ANKRD33B: variants seen among roughly 807,000 people sequenced by gnomAD.
ANKRD33B encodes the protein ankyrin repeat domain 33B, also known as ankyrin repeat domain-containing protein 33B.
ANKRD33B carries 6 observed loss-of-function variants against 21.5 expected under a neutral mutation model. The observed-to-expected ratio is 0.28, with a 90% confidence interval of 0.15 to 0.55. ANKRD33B has a LOEUF of 0.55. Among genes scored for constraint, ANKRD33B ranks in the 20% least tolerant of loss-of-function variants. The pLI is 0.94. For synonymous variants in ANKRD33B, 347 were observed against 342.4 expected (o/e 1.01, Z -0.15); for missense variants, 698 against 747.2 (o/e 0.93, Z 0.77).
chr5:10,598,794 C>G (rs945146665), intron 1 of ANKRD33B, among the ~76,000 whole-genome samples: 1 of 151,922 alleles, frequency 6.6e-6, no homozygotes, highest in Non-Finnish European at 1.5e-5. Context: ...GGCTCATGTC[C>G]GTAATCCCAA....
chr5:10,568,449 T>C (rs929260689), intron 1 of ANKRD33B, among the ~76,000 whole-genome samples: 6 of 152,264 alleles, frequency 3.9e-5, no homozygotes, highest in African/African-American at 1.4e-4. Flanking sequence ...AGTTTAAATG[T>C]CAGACAGCTC....
intron 1 of ANKRD33B, among the ~76,000 whole-genome samples, chr5:10,616,162 CAT>C (rs949924993): frequency 3.9e-5 from 6 of 152,176 alleles, no homozygotes; most frequent in Non-Finnish European, 5.9e-5. Flanking sequence ...GAACTTTAAA[CAT>C]GTGAATATTT....
chr5:10,649,851 CCCTGCAGCG>C lies in ANKRD33B; in HGVS notation c.1229_1237del (p.Gln410_Leu412del), dbSNP rs1737294693. 7.0e-7 allele frequency: 1 copy of C among 1,419,182 alleles called. No homozygotes were observed. The highest frequency in any genetic ancestry group is 2.9e-5 in the Admixed American group (1 of 34,110). The allele number at this position is 1,419,182 out of a possible 1,614,324, so 87.9% of individuals were successfully genotyped here. A position where few individuals can be genotyped will look rare whatever the true frequency, so the allele number is the denominator to read the frequency against. ...GCCCCGCGGAAGGCCAGCCTCCTGC[CCCTGCAGCG>C]CCTGCGGCGGAGAAGCGTGCGGCCC... On this transcript the variant is annotated inframe_deletion, in exon 4 of 4. Transcript: ENST00000296657.
intron 1 of ANKRD33B, among the ~76,000 whole-genome samples, chr5:10,587,690 A>G (rs1735596760): frequency 6.6e-6 from 1 of 152,166 alleles, no homozygotes; most frequent in Admixed American, 6.5e-5. Context: ...GCTGTGAAAT[A>G]TATATGCTCT....
intron 2 of ANKRD33B, 62 bp from the exon 3 acceptor site, chr5:10,637,966 G>A: frequency 6.6e-7 from 1 of 1,510,476 alleles, no homozygotes. Context: ...AGGAAGGCCT[G>A]GCTGGAACCA....
intron 1 of ANKRD33B, among the ~76,000 whole-genome samples, chr5:10,578,559 A>G (rs1447935470): frequency 6.6e-6 from 1 of 152,206 alleles, no homozygotes; most frequent in Admixed American, 6.5e-5. Context: ...GGGAGATAGG[A>G]CAGCCCTTGA....
chr5:10,572,109 G>A (rs1031611754), intron 1 of ANKRD33B, among the ~76,000 whole-genome samples: 3 of 151,912 alleles, frequency 2.0e-5, no homozygotes, highest in African/African-American at 4.8e-5. Context: ...GGCTGGTCTC[G>A]AACTCCTGAC....
intron 1 of ANKRD33B, among the ~76,000 whole-genome samples, chr5:10,598,124 C>T (rs1482714404): frequency 1.3e-5 from 2 of 152,186 alleles, no homozygotes; most frequent in Non-Finnish European, 2.9e-5. Flanking sequence ...CTTCTCCTCT[C>T]AGTACCTGGA....
chr5:10,644,399 A>G (rs1209978377), intron 3 of ANKRD33B, among the ~76,000 whole-genome samples: 2 of 152,142 alleles, frequency 1.3e-5, no homozygotes, highest in Non-Finnish European at 2.9e-5. Flanking sequence ...CGAGGATGTG[A>G]TTTTTTTCTG....
chr5:10,569,853 G>A lies in ANKRD33B; in HGVS notation c.366+5020G>A, dbSNP rs573141057. ...TTCTGAGTCTAGCAGCAGTAGAGAG[G>A]CCCATGTGTTTTTTGTTTGTTTGTT... On this transcript the variant is annotated intron_variant, in intron 1 of 3. Coordinates refer to ENST00000296657, the MANE Select transcript of ANKRD33B (RefSeq NM_001164440.2). Among the ~76,000 whole-genome samples, 199 of 152,146 alleles carry A rather than the reference G, an allele frequency of 1.3e-3. 1 individual carries two copies. The highest frequency in any genetic ancestry group is 4.5e-3 in the African/African-American group (186 of 41,510).
intron 1 of ANKRD33B, among the ~76,000 whole-genome samples, chr5:10,588,394 G>A (rs1735613886): frequency 6.6e-6 from 1 of 152,158 alleles, no homozygotes; most frequent in Admixed American, 6.5e-5. Context: ...TGGACATTGA[G>A]GTTATTTCTG....
In ANKRD33B at chr5:10,576,493, T is replaced by C. The variant is rs1367262432; in HGVS notation, c.366+11660T>C. 6.6e-6 allele frequency among the ~76,000 whole-genome samples: 1 copy of C among 152,248 alleles called. No individual in the cohort carries two copies. Among genetic ancestry groups the C allele is most frequent in the African/African-American group, 2.4e-5 (1 of 41,474 alleles). Reference sequence around the variant, plus strand: ...GTAGAAATCCAGTTTGTTGGTTGCATGATCCTGGACAAGTCCCATGATCTT... The same window carrying C: ...GTAGAAATCCAGTTTGTTGGTTGCACGATCCTGGACAAGTCCCATGATCTT... On this transcript the variant is annotated intron_variant, in intron 1 of 3. Coordinates refer to ENST00000296657, the MANE Select transcript of ANKRD33B (RefSeq NM_001164440.2). This position sits in a 1 kb window ranked among gnomAD's most constrained non-coding sequence, Gnocchi z 4.1.
intron 1 of ANKRD33B, 29 bp downstream of exon 1, chr5:10,564,862 C>G (rs936406724): frequency 6.8e-6 from 10 of 1,472,596 alleles, no homozygotes; most frequent in Non-Finnish European, 9.0e-6. Flanking sequence ...AGGATTTGAG[C>G]CCCCTCACTG....
At chr5:10,616,602 G>A (rs1488195570) in intron 1 of ANKRD33B, among the ~76,000 whole-genome samples, 2 of 152,042 alleles carry the variant, frequency 1.3e-5, no homozygotes, top group East Asian at 3.9e-4. Flanking sequence ...GATTGGGCTG[G>A]GCCACTGTGG....
At position 10,649,998 on chromosome 5, in the gene ANKRD33B, A is replaced by C; in HGVS notation, c.1370A>C (p.Lys457Thr). The stretch of plus-strand genomic sequence containing the variant: ...GACAGCGGCCACCTGCAGATCCCCA[A>C]GTGGCGGTACAAGGAGGCCAAGGAG... ...TKDSGHLQIP[K>T]WRYKEAKEEK... The change falls in exon 4 of 4, where the codon AAG becomes ACG. Residue 457 changes from lysine (K) to threonine (T), a missense_variant. This residue lies in a region of ANKRD33B where 543 missense variants were observed against 566.5 expected (regional missense o/e 0.96). Coordinates refer to ENST00000296657, the MANE Select transcript of ANKRD33B (RefSeq NM_001164440.2). The C allele has an allele frequency of 6.5e-7, 1 of 1,533,576 alleles. No homozygotes were observed. Among genetic ancestry groups the C allele is most frequent in the South Asian group, 1.2e-5 (1 of 83,904 alleles). The allele number at this position is 1,533,576 out of a possible 1,614,324, so 95.0% of individuals were successfully genotyped here.
rs1415993617 is a variant in ANKRD33B, at chr5:10,655,669, ATGATAAAGC to A, written c.*5557_*5565del. 7 of 152,362 alleles carry A rather than the reference ATGATAAAGC, an allele frequency of 4.6e-5. No individual in the cohort carries two copies. The highest frequency in any genetic ancestry group is 1.7e-4 in the African/African-American group (7 of 41,438). The allele number at this position is 152,362 out of a possible 1,614,324, so 9.4% of individuals were successfully genotyped here. A position where few individuals can be genotyped will look rare whatever the true frequency, so the allele number is the denominator to read the frequency against. On this transcript the variant is annotated 3_prime_UTR_variant, in exon 4 of 4. Coordinates refer to ENST00000296657, the MANE Select transcript of ANKRD33B (RefSeq NM_001164440.2). ...CTCCTGGACACTACTAGTCTTTCACATGATAAAGCGCGAGCACTTTTTCGCTTTTGCAGT... is the reference window on the plus strand; with the variant it reads ...CTCCTGGACACTACTAGTCTTTCACAGCGAGCACTTTTTCGCTTTTGCAGT...
At chr5:10,627,637 C>T (rs561014197) in intron 2 of ANKRD33B, 6 of 152,306 alleles carry the variant, frequency 3.9e-5, no homozygotes, top group African/African-American at 1.2e-4. Flanking sequence ...AACAATGCCT[C>T]TTCATGTTAT....
chr5:10,613,747 AAAATTGGCTG>A (rs1736223141), intron 1 of ANKRD33B, among the ~76,000 whole-genome samples: 1 of 151,938 alleles, frequency 6.6e-6, no homozygotes, highest in South Asian at 2.1e-4. Flanking sequence ...TAAAAATACA[AAAATTGGCTG>A]GGCATGGTGG....
At chr5:10,584,645 ATTTAT>A (rs1241327419) in intron 1 of ANKRD33B, among the ~76,000 whole-genome samples, 1 of 152,302 alleles carries the variant, frequency 6.6e-6, no homozygotes, top group Non-Finnish European at 1.5e-5. Flanking sequence ...TAATGTATTT[ATTTAT>A]TTAGCAAATA....
Sources: allele counts gnomAD v4.1 joint callset (sites outside exome capture counted in the v4.1 genomes callset), GRCh38; gene constraint gnomAD v4.1.1; regional missense constraint gnomAD v4.1.1; non-coding constraint Gnocchi (gnomAD v3.1); transcripts MANE v1.5; gene names NCBI Gene and HGNC (gene_info 2026-07-23, HGNC 2026-07-21).